Variants in CEACAM20 observed in about 807,000 individuals in gnomAD.
CEACAM20 encodes the protein cell adhesion molecule CEACAM20.
CEACAM20 carries 50 observed loss-of-function variants against 61.2 expected under a neutral mutation model. The ratio of observed to expected loss-of-function variants is 0.82; its 90% CI spans 0.65 to 1.03. The LOEUF is 1.03. Ranked by LOEUF, CEACAM20 falls within the 50% of genes least tolerant of loss-of-function variation. CEACAM20 has a pLI of 0.00. For missense variants in CEACAM20, 683 were observed against 736.4 expected (o/e 0.93, Z 0.84); for synonymous variants, 282 against 287.7 (o/e 0.98, Z 0.20).
At chr19:44,507,731 T>C (rs1273497035) in intron 11 of CEACAM20, among the ~76,000 whole-genome samples, 2 of 152,268 alleles carry the variant, frequency 1.3e-5, no homozygotes, top group South Asian at 4.1e-4. Context: ...GACTAAGATA[T>C]TAATATATGA....
intron 4 of CEACAM20, among the ~76,000 whole-genome samples, chr19:44,521,505 G>A (rs1971364531): frequency 6.6e-6 from 1 of 151,970 alleles, no homozygotes; most frequent in South Asian, 2.1e-4. Flanking sequence ...TGTTGTACAT[G>A]TGTTGTATGT....
rs1166722348 is a variant in CEACAM20, at chr19:44,529,364, A to G, written c.52+94T>C. 9.5e-6 allele frequency: 7 copies of G among 740,528 alleles called. No homozygotes were observed. In the African/African-American group the frequency reaches 1.3e-4, roughly 13 times the overall value. The allele number at this position is 740,528 out of a possible 1,614,324, so 45.9% of individuals were successfully genotyped here. A position where few individuals can be genotyped will look rare whatever the true frequency, so the allele number is the denominator to read the frequency against. On this transcript the variant is annotated intron_variant, in intron 1 of 11. Coordinates refer to ENST00000614924, the MANE Select transcript of CEACAM20 (RefSeq NM_001102597.3). ...TCTTTTTCCTCGAGTGCACACACAC[A>G]CACACACACACACACACACACACAC...
At chr19:44,518,217 GGAGA>G (rs1326365235) in intron 5 of CEACAM20, among the ~76,000 whole-genome samples, 7 of 104,402 alleles carry the variant, frequency 6.7e-5, no homozygotes, top group Admixed American at 2.0e-4. Context: ...AAGGAAGGAA[GGAGA>G]GAGAGAGAGA....
rs371778076 is a variant in CEACAM20, at chr19:44,512,960, C to T, written c.1428-7G>A. The T allele has an allele frequency of 4.8e-5, 77 of 1,606,682 alleles. No homozygotes were observed. In the African/African-American group the frequency reaches 8.7e-4, roughly 18 times the overall value. On this transcript the variant is annotated splice_region_variant and splice_polypyrimidine_tract_variant and intron_variant, in intron 7 of 11. Coordinates refer to ENST00000614924, the MANE Select transcript of CEACAM20 (RefSeq NM_001102597.3). ...TGTTGTTTTCCTTGAGGGCCTGAAA[C>T]CCCAAAGCCCTCATTATTCTGTGCC...
chr19:44,515,217 A>G (rs1227469410), intron 6 of CEACAM20, among the ~76,000 whole-genome samples: 1 of 102,544 alleles, frequency 9.8e-6, no homozygotes, highest in African/African-American at 3.7e-5. Flanking sequence ...GATGCTTGAC[A>G]AATGATGATG....
chr19:44,510,600 G>GA (rs1568446393), intron 11 of CEACAM20, among the ~76,000 whole-genome samples: 12 of 74,286 alleles, frequency 1.6e-4, no homozygotes, highest in African/African-American at 8.6e-4. Context: ...AAGAAAGAAA[G>GA]AAAGAAAGAA....
At chr19:44,529,354 GCACACACACACACACACACACA>G (rs71940010) in intron 1 of CEACAM20, 82 bp downstream of exon 1, 29 of 660,318 alleles carry the variant, frequency 4.4e-5, no homozygotes, top group East Asian at 4.3e-4. Context: ...TTCCTCGAGT[GCACACACACACACACACACACA>G]CACACACACA....
chr19:44,507,738 A>G (rs1970859631), intron 11 of CEACAM20, among the ~76,000 whole-genome samples: 1 of 152,192 alleles, frequency 6.6e-6, no homozygotes, highest in Non-Finnish European at 1.5e-5. Context: ...ATATTAATAT[A>G]TGAAACATTC....
intron 1 of CEACAM20, 23 bp downstream of exon 1, chr19:44,529,435 T>A: frequency 6.2e-7 from 1 of 1,607,732 alleles, no homozygotes; most frequent in Non-Finnish European, 8.5e-7. Flanking sequence ...TCCTCCCGCA[T>A]CTGAAGGAAG....
chr19:44,507,430 G>A (rs1221155804), intron 11 of CEACAM20, among the ~76,000 whole-genome samples: 1 of 152,180 alleles, frequency 6.6e-6, no homozygotes, highest in African/African-American at 2.4e-5. Context: ...AATGCTTAAA[G>A]GGCAGCAGAA....
At chr19:44,508,678 C>T (rs909114408) in intron 11 of CEACAM20, among the ~76,000 whole-genome samples, 1 of 152,196 alleles carries the variant, frequency 6.6e-6, no homozygotes, top group Admixed American at 6.5e-5. Context: ...GCGTGAGCCA[C>T]CGCGCCTGGC....
chr19:44,516,863 C>T (rs1415153226), intron 6 of CEACAM20, 83 bp downstream of exon 6: 11 of 1,473,322 alleles, frequency 7.5e-6, no homozygotes, highest in African/African-American at 2.8e-5. Flanking sequence ...CTCCAGCCCT[C>T]GGTAGGGGTA....
At chr19:44,528,157 CTTTT>C (rs112438515) in intron 1 of CEACAM20, among the ~76,000 whole-genome samples, 50 of 102,598 alleles carry the variant, frequency 4.9e-4, no homozygotes, top group Admixed American at 2.7e-3. Context: ...TTCTTTCTTT[CTTTT>C]CTTTCTTTCC....
intron 7 of CEACAM20, 67 bp downstream of exon 7, chr19:44,513,105 C>G: frequency 7.2e-7 from 1 of 1,380,052 alleles, no homozygotes; most frequent in Non-Finnish European, 1.0e-6. Flanking sequence ...GTCAGCAACA[C>G]GCCCGGCAAG....
chr19:44,511,684 C>G lies in CEACAM20; in HGVS notation c.1576-12G>C, dbSNP rs761984640. ...TCTGGTGGTTGCATCTGGGGAAAAA[C>G]AAAGTTGCAGAGAGGTCATAGGGCT... is the stretch of plus-strand genomic sequence containing the variant. On this transcript the variant is annotated splice_polypyrimidine_tract_variant and intron_variant, in intron 9 of 11. Transcript: ENST00000614924. The G allele has an allele frequency of 6.2e-7, 1 of 1,611,888 alleles. No homozygotes were observed. Among genetic ancestry groups the G allele is most frequent in the African/African-American group, 1.3e-5 (1 of 74,886 alleles).
Position 44,513,052 on chromosome 19 carries a change from A to T in CEACAM20, c.1428-99T>A. 4 of 1,312,134 alleles carry T rather than the reference A, an allele frequency of 3.0e-6. No individual in the cohort carries two copies. The South Asian group carries it at 5.5e-5, about 18-fold the overall frequency. 81.3% of individuals were successfully genotyped at this position (1,312,134 alleles called of 1,614,324 possible). A position where few individuals can be genotyped will look rare whatever the true frequency, so the allele number is the denominator to read the frequency against. The stretch of plus-strand genomic sequence containing the variant: ...TGTCCATTCTTGAACAATGCCCACA[A>T]CCCTCTGAATTCCCCAGGTGCCAGA... On this transcript the variant is annotated intron_variant, in intron 7 of 11. Transcript: ENST00000614924.
In CEACAM20 at chr19:44,511,641, T is replaced by C; in HGVS notation, c.1607A>G (p.Tyr536Cys). The C allele has an allele frequency of 6.2e-7, 1 of 1,612,818 alleles. No individual in the cohort carries two copies. The highest frequency in any genetic ancestry group is 8.5e-7 in the Non-Finnish European group (1 of 1,179,546). ...MQPPDLPEET[Y>C]ETKLPSASRR... ...AACCCAGCAGGGCCAATGTACCTCA[T>C]AGGTCTCCTCTGGAAGGTCTGGTGG... The change falls in exon 10 of 12, where the codon TAT (tyrosine) becomes TGT (cysteine). Residue 536 changes from tyrosine (Y) to cysteine (C), a missense_variant. Tyr to Cys is a radical substitution (Grantham distance 194). Coordinates refer to ENST00000614924, the MANE Select transcript of CEACAM20 (RefSeq NM_001102597.3).
chr19:44,525,377 C>T (rs1434621857), intron 1 of CEACAM20, 133 bp from the exon 2 acceptor site: 15 of 741,822 alleles, frequency 2.0e-5, no homozygotes, highest in Admixed American at 6.8e-5. Flanking sequence ...GAGTCCTACT[C>T]GTTACTTACA....
intron 1 of CEACAM20, among the ~76,000 whole-genome samples, chr19:44,527,958 T>C (rs1002117711): frequency 2.0e-5 from 3 of 152,162 alleles, no homozygotes; most frequent in African/African-American, 7.2e-5. Flanking sequence ...CGCTCAGGGC[T>C]GGCACAGCCT....
Sources: gnomAD v4.1 joint callset for allele counts (sites outside exome capture counted in the v4.1 genomes callset) on GRCh38, gnomAD v4.1.1 for gene constraint, MANE v1.5 for transcripts, NCBI Gene and HGNC (gene_info 2026-07-23, HGNC 2026-07-21) for gene names.